PTPRN2: variants seen among roughly 807,000 people sequenced by gnomAD.
PTPRN2 encodes the protein protein tyrosine phosphatase receptor type N2.
In PTPRN2, 74 loss-of-function variants were observed where a neutral mutation model predicts 118.8. The observed-to-expected ratio is 0.62, with a 90% CI of 0.52 to 0.76. The LOEUF (loss-of-function observed/expected upper bound fraction) is 0.76, where lower values mean the gene tolerates loss of function less well. Among genes scored for constraint, PTPRN2 ranks in the 30% least tolerant of loss-of-function variants. The pLI is 0.00. For synonymous variants in PTPRN2, 641 were observed against 608.0 expected, an observed-to-expected ratio of 1.05 and a Z score of -0.80; for missense variants, 1,481 against 1,394.4, an observed-to-expected ratio of 1.06 and a Z score of -0.99.
At chr7:158,146,858 A>T (rs972842029) in intron 6 of PTPRN2, among the ~76,000 whole-genome samples, 1 of 152,042 alleles carries the variant, frequency 6.6e-6, no homozygotes, top group Non-Finnish European at 1.5e-5. Flanking sequence ...ACCAATGGAT[A>T]GAACAAGCAA....
At position 158,167,305 on chromosome 7, in the gene PTPRN2, G is replaced by C; in HGVS notation, c.550-14C>G. 6.4e-7 allele frequency: 1 copy of C among 1,563,686 alleles called. No individual in the cohort carries two copies. The highest frequency in any genetic ancestry group is 8.7e-7 in the Non-Finnish European group (1 of 1,155,838). On this transcript the variant is annotated splice_polypyrimidine_tract_variant and intron_variant, in intron 5 of 22. Coordinates refer to ENST00000389418, the MANE Select transcript of PTPRN2 (RefSeq NM_002847.5). ...GCGGTCATCACCCTGAAGGAAAGGAGAGCAAAACAGAGCAAGAGTCACATT... is the reference window on the plus strand; with the variant it reads ...GCGGTCATCACCCTGAAGGAAAGGACAGCAAAACAGAGCAAGAGTCACATT...
At chr7:157,739,886 C>T (rs112116895) in intron 12 of PTPRN2, among the ~76,000 whole-genome samples, 10 of 152,356 alleles carry the variant, frequency 6.6e-5, no homozygotes, top group East Asian at 1.9e-4. Flanking sequence ...TGCGTGCTCA[C>T]GCATGGCTCC....
intron 17 of PTPRN2, among the ~76,000 whole-genome samples, chr7:157,581,537 C>T (rs776503937): frequency 4.6e-5 from 7 of 152,178 alleles, no homozygotes; most frequent in Admixed American, 3.3e-4. Context: ...TCGACGCGCC[C>T]GGCAGGGACA....
At chr7:158,040,499 GA>G (rs902919930) in intron 11 of PTPRN2, among the ~76,000 whole-genome samples, 7 of 152,258 alleles carry the variant, frequency 4.6e-5, no homozygotes, top group East Asian at 1.9e-4. Flanking sequence ...AGAGAGGGGG[GA>G]AAAACCTTAC....
chr7:158,316,959 GA>G, intron 2 of PTPRN2, 27 bp from the exon 3 acceptor site: 1 of 1,536,828 alleles, frequency 6.5e-7, no homozygotes, highest in East Asian at 2.3e-5. Flanking sequence ...AGATAAGACA[GA>G]ACGAGACGTT....
intron 11 of PTPRN2, among the ~76,000 whole-genome samples, chr7:157,938,084 G>A (rs1446493761): frequency 2.0e-5 from 3 of 152,234 alleles, no homozygotes; most frequent in Admixed American, 6.5e-5. Context: ...GCTGTTCAAA[G>A]CTAAGAGCCA....
intron 12 of PTPRN2, among the ~76,000 whole-genome samples, chr7:157,777,603 G>A (rs1803412689): frequency 1.3e-5 from 2 of 152,242 alleles, no homozygotes; most frequent in South Asian, 4.1e-4. Context: ...GGGCAGTCCC[G>A]CTGCATCAGG....
At chr7:158,048,513 C>T (rs1809042403) in intron 11 of PTPRN2, among the ~76,000 whole-genome samples, 1 of 152,094 alleles carries the variant, frequency 6.6e-6, no homozygotes, top group South Asian at 2.1e-4. Context: ...GCCATCATCA[C>T]CATCAATAAG....
At position 158,003,484 on chromosome 7, in the gene PTPRN2, G is replaced by A. The variant is rs1454572488; in HGVS notation, c.1723+77814C>T. ...CAATAGGACCTGTGTTCTTCAGGAA[G>A]AGGAAGAGACACACAGCCTGCATCT... On this transcript the variant is annotated intron_variant, in intron 11 of 22. Coordinates refer to ENST00000389418, the MANE Select transcript of PTPRN2 (RefSeq NM_002847.5). This position sits in a 1 kb window ranked among gnomAD's most constrained non-coding sequence, Gnocchi z 5.0. 6.6e-6 allele frequency among the ~76,000 whole-genome samples: 1 copy of A among 151,870 alleles called. No homozygotes were observed. The highest frequency in any genetic ancestry group is 2.4e-5 in the African/African-American group (1 of 41,344).
intron 12 of PTPRN2, among the ~76,000 whole-genome samples, chr7:157,866,262 AGT>A (rs1326579069): frequency 6.6e-6 from 1 of 152,180 alleles, no homozygotes; most frequent in Non-Finnish European, 1.5e-5. Flanking sequence ...ATTAAGAGTC[AGT>A]GAGCAGGAAA....
At chr7:157,811,758 C>G (rs111237111) in intron 12 of PTPRN2, among the ~76,000 whole-genome samples, 12 of 152,162 alleles carry the variant, frequency 7.9e-5, no homozygotes, top group Non-Finnish European at 1.6e-4. Flanking sequence ...ACAGCCTCCC[C>G]TCATCTGACG....
intron 3 of PTPRN2, among the ~76,000 whole-genome samples, chr7:158,303,168 C>CAAAAAAA (rs542953447): frequency 8.3e-6 from 1 of 119,860 alleles, no homozygotes; most frequent in African/African-American, 3.0e-5. Flanking sequence ...ACTAACCCAC[C>CAAAAAAA]AAAAAAAAAA....
intron 12 of PTPRN2, among the ~76,000 whole-genome samples, chr7:157,736,629 T>G (rs1014825241): frequency 1.3e-5 from 2 of 150,866 alleles, no homozygotes; most frequent in African/African-American, 4.9e-5. Flanking sequence ...GCACCCAGTC[T>G]GTGGTCCTGG....
chr7:158,401,050 C>T (rs930047810), intron 2 of PTPRN2, among the ~76,000 whole-genome samples: 1 of 152,148 alleles, frequency 6.6e-6, no homozygotes, highest in African/African-American at 2.4e-5. Context: ...CCGACACGCA[C>T]GAGATGCAGA....
intron 11 of PTPRN2, among the ~76,000 whole-genome samples, chr7:158,001,446 C>T (rs746234628): frequency 3.9e-5 from 6 of 152,050 alleles, no homozygotes; most frequent in African/African-American, 1.5e-4. Flanking sequence ...AAGCCAGAGC[C>T]AGAATCTGGA....
At chr7:158,432,220 A>G (rs1816262390) in intron 2 of PTPRN2, among the ~76,000 whole-genome samples, 1 of 152,138 alleles carries the variant, frequency 6.6e-6, no homozygotes, top group African/African-American at 2.4e-5. Context: ...TTTTCCCCAG[A>G]TCCTCAGGGG....
At chr7:158,487,021 TTCAG>T (rs1821082651) in intron 2 of PTPRN2, among the ~76,000 whole-genome samples, 1 of 152,236 alleles carries the variant, frequency 6.6e-6, no homozygotes, top group Non-Finnish European at 1.5e-5. Context: ...CGTGGAATCA[TTCAG>T]TATTTGTCCT....
At chr7:157,771,915 AAC>A (rs1347461119) in intron 12 of PTPRN2, among the ~76,000 whole-genome samples, 2 of 147,892 alleles carry the variant, frequency 1.4e-5, no homozygotes, top group African/African-American at 5.1e-5. Flanking sequence ...CACACAGACA[AAC>A]ACACAGAGAC....
chr7:158,343,361 T>C (rs983467280), intron 2 of PTPRN2, among the ~76,000 whole-genome samples: 9 of 152,148 alleles, frequency 5.9e-5, no homozygotes, highest in African/African-American at 2.2e-4. Context: ...TACTGCCCGC[T>C]CAGCAGGACA....
Sources: allele counts gnomAD v4.1 joint callset (sites outside exome capture counted in the v4.1 genomes callset), GRCh38; gene constraint gnomAD v4.1.1; non-coding constraint Gnocchi (gnomAD v3.1); transcripts MANE v1.5; gene names NCBI Gene and HGNC (gene_info 2026-07-23, HGNC 2026-07-21).